Variants in GLRA3 observed in about 807,000 individuals in gnomAD.
GLRA3 encodes glycine receptor subunit alpha-3.
Under a neutral mutation model 60.4 loss-of-function variants are expected in GLRA3, and 44 were observed. The observed-to-expected ratio is 0.73, with a 90% CI of 0.57 to 0.94. The LOEUF is 0.94. Among genes scored for constraint, GLRA3 ranks in the 40% least tolerant of loss-of-function variants. The pLI is 0.00. For missense variants in GLRA3, 508 were observed against 564.6 expected (o/e 0.90, Z 1.02); for synonymous variants, 223 against 192.9 (o/e 1.16, Z -1.29).
chr4:174,713,198 C>CATTGTTA (rs1735788141), intron 5 of GLRA3, among the ~76,000 whole-genome samples: 1 of 151,760 alleles, frequency 6.6e-6, no homozygotes, highest in Non-Finnish European at 1.5e-5. Flanking sequence ...ATTAAAGAAC[C>CATTGTTA]CCTTGAACAA....
chr4:174,659,349 A>G, intron 7 of GLRA3, 152 bp from the exon 8 acceptor site: 1 of 645,178 alleles, frequency 1.5e-6, no homozygotes, highest in South Asian at 2.2e-5. Context: ...AAGTTTCCTT[A>G]GTTATTTTTG....
At chr4:174,798,768 CA>C (rs1261745008) in intron 1 of GLRA3, among the ~76,000 whole-genome samples, 1 of 151,958 alleles carries the variant, frequency 6.6e-6, no homozygotes, top group Admixed American at 6.6e-5. Context: ...ACTAAAAATA[CA>C]AAAAATTAGC....
In GLRA3 at chr4:174,656,898, A is replaced by T. The variant is rs1008483744; in HGVS notation, c.1072-111T>A. The T allele has an allele frequency of 1.1e-5, 7 of 615,438 alleles. No individual in the cohort carries two copies. The African/African-American group carries it at 1.3e-4, about 11-fold the overall frequency. The allele number at this position is 615,438 out of a possible 1,614,324, so 38.1% of individuals were successfully genotyped here. ...GTAATTGTATATACCATTTGAACAG[A>T]CATATGTAGCAATTAATAGATTTTC... On this transcript the variant is annotated intron_variant, in intron 8 of 9. Transcript: ENST00000274093.
At position 174,785,427 on chromosome 4, in the gene GLRA3, A is replaced by T. The variant is rs570324865; in HGVS notation, c.199+3389T>A. Reference sequence around the variant, plus strand: ...TCCAGAAATAAATTCATAATTATGTATATAATGCTGGAACATTTCTTATTT... The same window carrying T: ...TCCAGAAATAAATTCATAATTATGTTTATAATGCTGGAACATTTCTTATTT... On this transcript the variant is annotated intron_variant, in intron 2 of 9. Coordinates refer to ENST00000274093, the MANE Select transcript of GLRA3 (RefSeq NM_006529.4). Among the ~76,000 whole-genome samples the T allele has an allele frequency of 1.9e-4, 29 of 152,302 alleles. No homozygotes were observed. The South Asian group carries it at 5.6e-3, about 29-fold the overall frequency.
chr4:174,649,899 C>T (rs556988141), intron 9 of GLRA3, among the ~76,000 whole-genome samples: 1 of 152,232 alleles, frequency 6.6e-6, no homozygotes, highest in East Asian at 1.9e-4. Context: ...ATCTTACTGT[C>T]CATCCCTAAA....
intron 7 of GLRA3, among the ~76,000 whole-genome samples, chr4:174,670,702 C>A (rs1163053976): frequency 6.6e-6 from 1 of 152,024 alleles, no homozygotes; most frequent in African/African-American, 2.4e-5. Flanking sequence ...AGAGAAAATG[C>A]TTGATAATCA....
At chr4:174,814,977 T>C (rs1420915995) in intron 1 of GLRA3, among the ~76,000 whole-genome samples, 1 of 152,128 alleles carries the variant, frequency 6.6e-6, no homozygotes, top group Non-Finnish European at 1.5e-5. Flanking sequence ...CAGTCTAAAG[T>C]CTCATAAGTG....
intron 1 of GLRA3, among the ~76,000 whole-genome samples, chr4:174,793,938 A>T (rs569641543): frequency 6.6e-6 from 1 of 152,180 alleles, no homozygotes; most frequent in East Asian, 1.9e-4. Flanking sequence ...TTTTAGATTT[A>T]AGATTTTCAC....
intron 5 of GLRA3, among the ~76,000 whole-genome samples, chr4:174,685,392 T>TA (rs1451797367): frequency 5.9e-5 from 9 of 152,180 alleles, no homozygotes; most frequent in Non-Finnish European, 1.2e-4. Context: ...CAGATCTCTT[T>TA]AGACTGTATG....
In GLRA3 at chr4:174,639,876, A is replaced by G. The variant is rs1019641800; in HGVS notation, c.*3910T>C. ...TTACCACTGTAGCACACAAATAAGG[A>G]AATAAAAACCAATGCATCTGCTGAG... On this transcript the variant is annotated 3_prime_UTR_variant, in exon 10 of 10. Coordinates refer to ENST00000274093, the MANE Select transcript of GLRA3 (RefSeq NM_006529.4). 1.3e-5 allele frequency: 2 copies of G among 152,136 alleles called. No individual in the cohort carries two copies. Among genetic ancestry groups the G allele is most frequent in the African/African-American group, 4.8e-5 (2 of 41,446 alleles). The allele number at this position is 152,136 out of a possible 1,614,324, so 9.4% of individuals were successfully genotyped here. A position where few individuals can be genotyped will look rare whatever the true frequency, so the allele number is the denominator to read the frequency against.
At chr4:174,712,696 G>A (rs1735757125) in intron 5 of GLRA3, 1 of 151,998 alleles carries the variant, frequency 6.6e-6, no homozygotes, top group South Asian at 2.1e-4. Flanking sequence ...TGGACCCTGG[G>A]ATTCTGACAG....
intron 9 of GLRA3, among the ~76,000 whole-genome samples, chr4:174,648,849 A>G (rs1732930371): frequency 6.6e-6 from 1 of 152,198 alleles, no homozygotes; most frequent in African/African-American, 2.4e-5. Context: ...AGACACAAAA[A>G]GAACACAGCA....
At chr4:174,697,034 A>G (rs1735084630) in intron 5 of GLRA3, among the ~76,000 whole-genome samples, 1 of 152,170 alleles carries the variant, frequency 6.6e-6, no homozygotes, top group African/African-American at 2.4e-5. Context: ...TCACTTTTTA[A>G]AAATCATAAA....
At chr4:174,756,679 CTTTT>C (rs1737713533) in intron 3 of GLRA3, among the ~76,000 whole-genome samples, 1 of 147,582 alleles carries the variant, frequency 6.8e-6, no homozygotes. Flanking sequence ...GAGTCTCGCT[CTTTT>C]GCCCAGGCTG....
chr4:174,773,467 A>AAAAC (rs149233580), intron 2 of GLRA3, among the ~76,000 whole-genome samples: 1 of 151,630 alleles, frequency 6.6e-6, no homozygotes, highest in African/African-American at 2.4e-5. Context: ...AGCAAGTAAG[A>AAAAC]AAACAAACAA....
At chr4:174,792,696 G>A (rs1171290609) in intron 1 of GLRA3, among the ~76,000 whole-genome samples, 1 of 152,160 alleles carries the variant, frequency 6.6e-6, no homozygotes, top group East Asian at 1.9e-4. Context: ...TTAAAAAAAT[G>A]ACTCTAAATG....
chr4:174,665,645 C>T (rs990280998), intron 7 of GLRA3, among the ~76,000 whole-genome samples: 2 of 152,222 alleles, frequency 1.3e-5, no homozygotes, highest in South Asian at 4.1e-4. Context: ...ATAGCAAATA[C>T]CAAATAACTC....
intron 2 of GLRA3, among the ~76,000 whole-genome samples, chr4:174,779,313 T>C (rs1425553337): frequency 1.3e-5 from 2 of 152,072 alleles, no homozygotes; most frequent in Non-Finnish European, 2.9e-5. Flanking sequence ...AACCCATCTG[T>C]ACATCACCAT....
At chr4:174,650,430 A>G (rs956722830) in intron 9 of GLRA3, among the ~76,000 whole-genome samples, 5 of 152,156 alleles carry the variant, frequency 3.3e-5, no homozygotes, top group Admixed American at 6.5e-5. Flanking sequence ...GAGTTTCTGG[A>G]AAAAGCTCAA....
Sources: gnomAD v4.1 joint callset for allele counts (sites outside exome capture counted in the v4.1 genomes callset) on GRCh38, gnomAD v4.1.1 for gene constraint, MANE v1.5 for transcripts, NCBI Gene and HGNC (gene_info 2026-07-23, HGNC 2026-07-21) for gene names.